SGCZ: variants seen among roughly 807,000 people sequenced by gnomAD.
The protein encoded by SGCZ is zeta-sarcoglycan.
SGCZ carries 40 observed loss-of-function variants against 41.3 expected under a neutral mutation model. That is an observed-to-expected ratio of 0.97 (90% CI 0.75 to 1.26). The LOEUF (loss-of-function observed/expected upper bound fraction) is 1.26, where lower values mean the gene tolerates loss of function less well. Among genes scored for constraint, SGCZ ranks in the 50% most tolerant of loss-of-function variants. The pLI is 0.00. For missense variants in SGCZ, 552 were observed against 369.8 expected, an observed-to-expected ratio of 1.49 and a Z score of -4.04; for synonymous variants, 206 against 137.5, an observed-to-expected ratio of 1.50 and a Z score of -3.49.
At chr8:14,974,854 G>C (rs1299438015) in intron 1 of SGCZ, among the ~76,000 whole-genome samples, 2 of 126,272 alleles carry the variant, frequency 1.6e-5, no homozygotes, top group Non-Finnish European at 3.2e-5. Context: ...GAAGAGGGAA[G>C]TGATTTTAGG....
chr8:14,303,854 C>T (rs924562349), intron 3 of SGCZ, among the ~76,000 whole-genome samples: 9 of 151,988 alleles, frequency 5.9e-5, no homozygotes, highest in Admixed American at 3.3e-4. Flanking sequence ...TGGGATCAGG[C>T]CATTCTCCTG....
At chr8:14,201,592 T>C (rs117437819) in intron 4 of SGCZ, among the ~76,000 whole-genome samples, 3,075 of 152,280 alleles carry the variant, frequency 0.02, 42 homozygotes, top group Non-Finnish European at 0.031. Context: ...TCAGAACAGA[T>C]AAAACCGTAG....
chr8:14,520,298 T>C (rs560747208), intron 2 of SGCZ, among the ~76,000 whole-genome samples: 2 of 152,260 alleles, frequency 1.3e-5, no homozygotes, highest in Non-Finnish European at 1.5e-5. Context: ...AATCATGGCC[T>C]CAACACAGGA....
chr8:14,298,353 C>T (rs1207168341), intron 3 of SGCZ, among the ~76,000 whole-genome samples: 1 of 151,766 alleles, frequency 6.6e-6, no homozygotes, highest in East Asian at 1.9e-4. Flanking sequence ...AGGCCTCACC[C>T]AGCATGACTA....
chr8:14,533,492 T>C (rs1422360430), intron 2 of SGCZ, among the ~76,000 whole-genome samples: 1 of 152,042 alleles, frequency 6.6e-6, no homozygotes, highest in African/African-American at 2.4e-5. Context: ...AAAACATTAC[T>C]AGATTTACAT....
intron 1 of SGCZ, among the ~76,000 whole-genome samples, chr8:15,232,255 A>G (rs544635653): frequency 6.6e-6 from 1 of 152,286 alleles, no homozygotes; most frequent in South Asian, 2.1e-4. Context: ...ATGTGGATTT[A>G]TTATCTTATA....
chr8:15,200,796 C>A (rs968643876), intron 1 of SGCZ, among the ~76,000 whole-genome samples: 14 of 152,116 alleles, frequency 9.2e-5, no homozygotes, highest in Non-Finnish European at 1.6e-4. Flanking sequence ...GACACAAACC[C>A]ACGTCTGCCT....
At chr8:14,242,084 C>T (rs1009938091) in intron 3 of SGCZ, among the ~76,000 whole-genome samples, 9 of 151,994 alleles carry the variant, frequency 5.9e-5, no homozygotes, top group Non-Finnish European at 4.4e-5. Flanking sequence ...AGACAATAAA[C>T]CAGATAATTA....
At chr8:15,158,031 C>T (rs1218632566) in intron 1 of SGCZ, among the ~76,000 whole-genome samples, 1 of 152,140 alleles carries the variant, frequency 6.6e-6, no homozygotes, top group Non-Finnish European at 1.5e-5. Flanking sequence ...TGTCCATGCA[C>T]TTGCCTCTCA....
chr8:15,127,739 T>A (rs1807758817), intron 1 of SGCZ, among the ~76,000 whole-genome samples: 1 of 152,164 alleles, frequency 6.6e-6, no homozygotes, highest in Non-Finnish European at 1.5e-5. Flanking sequence ...TAGATTATAC[T>A]CCATATGTGG....
At chr8:15,070,216 G>A (rs541412588) in intron 1 of SGCZ, among the ~76,000 whole-genome samples, 1 of 152,178 alleles carries the variant, frequency 6.6e-6, no homozygotes, top group East Asian at 1.9e-4. Flanking sequence ...AGAATTTTGG[G>A]AGCACTGCAA....
chr8:14,100,516 T>G (rs1801982079), intron 7 of SGCZ, among the ~76,000 whole-genome samples: 1 of 147,594 alleles, frequency 6.8e-6, no homozygotes, highest in Admixed American at 6.8e-5. Context: ...TATTAATATA[T>G]TATATTAATA....
chr8:14,096,842 T>C (rs1253768294), intron 7 of SGCZ, among the ~76,000 whole-genome samples: 3 of 152,194 alleles, frequency 2.0e-5, no homozygotes, highest in African/African-American at 2.4e-5. Context: ...GGAAGGTGTA[T>C]GTGTCCAGGA....
At chr8:14,551,457 A>ATATATAT (rs1374294074) in intron 2 of SGCZ, among the ~76,000 whole-genome samples, 1 of 6,930 alleles carries the variant, frequency 1.4e-4, no homozygotes, top group Non-Finnish European at 2.5e-4. Flanking sequence ...TATATATATT[A>ATATATAT]TATATATTAT....
intron 2 of SGCZ, among the ~76,000 whole-genome samples, chr8:14,423,450 C>T (rs1361886206): frequency 6.6e-6 from 1 of 152,072 alleles, no homozygotes. Flanking sequence ...GAGTTTCGCT[C>T]TTGTTGGCCA....
intron 1 of SGCZ, among the ~76,000 whole-genome samples, chr8:15,142,645 G>C (rs1454505380): frequency 6.6e-6 from 1 of 151,764 alleles, no homozygotes; most frequent in Non-Finnish European, 1.5e-5. Context: ...AAATCACCAG[G>C]AAAATAAATG....
chr8:14,887,721 C>A (rs936503117), intron 1 of SGCZ, among the ~76,000 whole-genome samples: 1 of 152,036 alleles, frequency 6.6e-6, no homozygotes, highest in African/African-American at 2.4e-5. Context: ...GAGTTAATAA[C>A]TGAATACTTA....
At chr8:14,303,915 C>A (rs1057160837) in intron 3 of SGCZ, among the ~76,000 whole-genome samples, 7 of 151,904 alleles carry the variant, frequency 4.6e-5, no homozygotes, top group South Asian at 2.1e-4. Context: ...CCAAGCCCAG[C>A]TAATTTTTCT....
chr8:14,433,772 C>A (rs1478486489), intron 2 of SGCZ, among the ~76,000 whole-genome samples: 1 of 152,134 alleles, frequency 6.6e-6, no homozygotes, highest in African/African-American at 2.4e-5. Flanking sequence ...GGAATTATTT[C>A]TAAGCAGTAC....
Sources: gnomAD v4.1 joint callset for allele counts (sites outside exome capture counted in the v4.1 genomes callset) on GRCh38, gnomAD v4.1.1 for gene constraint, MANE v1.5 for transcripts, NCBI Gene and HGNC (gene_info 2026-07-23, HGNC 2026-07-21) for gene names.